GRIK2: variants seen among roughly 807,000 people sequenced by gnomAD.
GRIK2 encodes glutamate receptor ionotropic, kainate 2.
Under a neutral mutation model 100.3 loss-of-function variants are expected in GRIK2, and 32 were observed. The observed-to-expected ratio is 0.32, with a 90% CI of 0.24 to 0.43. The LOEUF is 0.43. Ranked by LOEUF, GRIK2 falls within the 20% of genes least tolerant of loss-of-function variation. The probability of loss-of-function intolerance (pLI) is 1.00; values close to 1 mark genes in which losing one functional copy is unlikely to be tolerated. For synonymous variants in GRIK2, 417 were observed against 389.4 expected, an observed-to-expected ratio of 1.07 and a Z score of -0.83; for missense variants, 843 against 1,114.9, an observed-to-expected ratio of 0.76 and a Z score of 3.47.
In GRIK2 at chr6:101,928,650, C is replaced by A. The variant is rs1790064847; in HGVS notation, c.2085+18C>A. On this transcript the variant is annotated intron_variant, in intron 14 of 16. Transcript: ENST00000369134. ...TTTTCAAGGTAAGTTCTGCTGGTTACCTAAAATTTACAAATTAAAATGATA... is the reference window on the plus strand; with the variant it reads ...TTTTCAAGGTAAGTTCTGCTGGTTAACTAAAATTTACAAATTAAAATGATA... 3 of 1,243,642 alleles carry A rather than the reference C, an allele frequency of 2.4e-6. No homozygotes were observed. The highest frequency in any genetic ancestry group is 1.5e-5 in the African/African-American group (1 of 68,504). 77.0% of individuals were successfully genotyped at this position (1,243,642 alleles called of 1,614,324 possible).
At chr6:102,057,377 T>A (rs1476997307) in intron 16 of GRIK2, among the ~76,000 whole-genome samples, 1 of 152,004 alleles carries the variant, frequency 6.6e-6, no homozygotes, top group Non-Finnish European at 1.5e-5. Flanking sequence ...AGTATCTGGT[T>A]AAAACAAAAA....
At chr6:101,890,620 A>C (rs546361586) in intron 12 of GRIK2, among the ~76,000 whole-genome samples, 1 of 152,196 alleles carries the variant, frequency 6.6e-6, no homozygotes, top group Non-Finnish European at 1.5e-5. Flanking sequence ...TAAATTTTAT[A>C]TTTTAATAGT....
intron 7 of GRIK2, among the ~76,000 whole-genome samples, chr6:101,738,026 C>T (rs1308853314): frequency 2.8e-4 from 42 of 152,002 alleles, no homozygotes; most frequent in Non-Finnish European, 1.0e-4. Context: ...AGACATATGT[C>T]TTCTTTTTTT....
At chr6:101,678,116 T>A (rs1000708829) in intron 5 of GRIK2, among the ~76,000 whole-genome samples, 1 of 152,008 alleles carries the variant, frequency 6.6e-6, no homozygotes, top group Non-Finnish European at 1.5e-5. Flanking sequence ...CTGGAGTGAG[T>A]GGCACTAAGC....
At chr6:101,513,102 A>G (rs1178062037) in intron 2 of GRIK2, among the ~76,000 whole-genome samples, 1 of 152,122 alleles carries the variant, frequency 6.6e-6, no homozygotes, top group African/African-American at 2.4e-5. Context: ...TCTTGAGAAC[A>G]TGTACCCAAA....
chr6:101,890,047 G>C, intron 12 of GRIK2, 184 bp downstream of exon 12: 1 of 586,310 alleles, frequency 1.7e-6, no homozygotes, highest in Non-Finnish European at 3.0e-6. Context: ...TTTGTGGGCA[G>C]AGAGCATGCT....
chr6:101,768,393 GTGA>G (rs1325811352), intron 7 of GRIK2, among the ~76,000 whole-genome samples: 3 of 152,238 alleles, frequency 2.0e-5, no homozygotes, highest in Admixed American at 6.5e-5. Context: ...GTTCTCCCCA[GTGA>G]TATTACCACC....
At position 102,035,542 on chromosome 6, in the gene GRIK2, G is replaced by A; in HGVS notation, c.2287G>A (p.Gly763Ser). The A allele has an allele frequency of 6.2e-7, 1 of 1,604,412 alleles. No homozygotes were observed. The highest frequency in any genetic ancestry group is 8.5e-7 in the Non-Finnish European group (1 of 1,172,432). ...TQIGGLIDSK[G>S]YGVGTPMGSP... ...GATTGGCGGCCTTATAGACTCTAAA[G>A]GTTATGGCGTTGGCACTCCCATGGG... Residue 763 changes from glycine (G) to serine (S), a missense_variant, in exon 15 of 17, where the codon GGT becomes AGT. This residue lies in a region of GRIK2 where 237 missense variants were observed against 388.0 expected (regional missense o/e 0.61). Transcript: ENST00000369134.
At chr6:101,551,399 T>G (rs1776502134) in intron 2 of GRIK2, among the ~76,000 whole-genome samples, 1 of 152,232 alleles carries the variant, frequency 6.6e-6, no homozygotes, top group African/African-American at 2.4e-5. Context: ...ATTATACTAT[T>G]CATTTTATCA....
intron 14 of GRIK2, among the ~76,000 whole-genome samples, chr6:101,958,479 C>T (rs1008577950): frequency 2.0e-5 from 3 of 151,896 alleles, no homozygotes; most frequent in Non-Finnish European, 4.4e-5. Context: ...TAACATATAT[C>T]ATTTGACGTC....
chr6:101,632,433 C>A (rs1780797326), intron 4 of GRIK2, among the ~76,000 whole-genome samples: 1 of 152,076 alleles, frequency 6.6e-6, no homozygotes, highest in Non-Finnish European at 1.5e-5. Flanking sequence ...GTGTTATATC[C>A]ATTTTTAAGC....
intron 10 of GRIK2, among the ~76,000 whole-genome samples, chr6:101,822,064 T>C (rs1781988972): frequency 6.6e-6 from 1 of 151,432 alleles, no homozygotes; most frequent in Non-Finnish European, 1.5e-5. Context: ...CATTCACTTA[T>C]TTAATTTTAT....
Position 101,894,818 on chromosome 6 carries a change from T to C in GRIK2, c.1748+4955T>C, listed in dbSNP as rs116682901. On this transcript the variant is annotated intron_variant, in intron 12 of 16. Transcript: ENST00000369134. Reference sequence around the variant, plus strand: ...TTAACCATATATATCTCCAAGAAAATTGAGCTGTTCTGAAATTCATTATTG... The same window carrying C: ...TTAACCATATATATCTCCAAGAAAACTGAGCTGTTCTGAAATTCATTATTG... 2.2e-3 allele frequency among the ~76,000 whole-genome samples: 330 copies of C among 151,720 alleles called. 1 individual carries two copies. The highest frequency in any genetic ancestry group is 7.6e-3 in the African/African-American group (317 of 41,488).
intron 10 of GRIK2, among the ~76,000 whole-genome samples, chr6:101,838,381 A>G (rs1430475703): frequency 1.3e-5 from 2 of 152,104 alleles, no homozygotes; most frequent in African/African-American, 4.8e-5. Context: ...AAATCAACCC[A>G]CCAAGATTCC....
chr6:101,881,088 A>G (rs965271472), intron 11 of GRIK2, among the ~76,000 whole-genome samples: 1 of 151,914 alleles, frequency 6.6e-6, no homozygotes, highest in Non-Finnish European at 1.5e-5. Flanking sequence ...ATGCATCTCA[A>G]TCTTCAAAGT....
At chr6:101,496,041 G>C (rs1274915390) in intron 2 of GRIK2, among the ~76,000 whole-genome samples, 1 of 152,118 alleles carries the variant, frequency 6.6e-6, no homozygotes, top group African/African-American at 2.4e-5. Flanking sequence ...TGCCTCCTGG[G>C]TTCAAACGAT....
intron 2 of GRIK2, among the ~76,000 whole-genome samples, chr6:101,509,157 CA>C (rs397885238): frequency 0.021 from 2,065 of 100,248 alleles, 21 homozygotes; most frequent in African/African-American, 0.059. Context: ...GACTCTGTCT[CA>C]AAAAAAAAAA....
chr6:101,870,157 G>A (rs1451239338), intron 11 of GRIK2, among the ~76,000 whole-genome samples: 1 of 151,788 alleles, frequency 6.6e-6, no homozygotes, highest in Non-Finnish European at 1.5e-5. Context: ...TTTGTTCACT[G>A]TAGATTAATT....
chr6:101,651,068 G>A (rs1481248433), intron 4 of GRIK2, among the ~76,000 whole-genome samples: 1 of 135,486 alleles, frequency 7.4e-6, no homozygotes, highest in African/African-American at 2.7e-5. Flanking sequence ...AAATGGAATT[G>A]AGACCCTAAA....
Sources: gnomAD v4.1 joint callset for allele counts (sites outside exome capture counted in the v4.1 genomes callset) on GRCh38, gnomAD v4.1.1 for gene constraint, gnomAD v4.1.1 regional missense constraint, MANE v1.5 for transcripts, NCBI Gene and HGNC (gene_info 2026-07-23, HGNC 2026-07-21) for gene names.